Variants in TG observed in about 807,000 individuals in gnomAD.
The protein encoded by TG is thyroid hormones.
In TG, 270 loss-of-function variants were observed where a neutral mutation model predicts 324.7. The ratio of observed to expected loss-of-function variants is 0.83; its 90% confidence interval spans 0.75 to 0.92. The LOEUF is 0.92. Among genes scored for constraint, TG ranks in the 40% least tolerant of loss-of-function variants. The probability of loss-of-function intolerance (pLI) is 0.00; values close to 1 mark genes in which losing one functional copy is unlikely to be tolerated. For synonymous variants in TG, 1,401 were observed against 1,327.0 expected (o/e 1.06, Z -1.21); for missense variants, 3,591 against 3,456.4 (o/e 1.04, Z -0.98).
rs141849637 is a variant in TG at position 132,957,907 on chromosome 8, A to G, written c.5402-3101A>G. On this transcript the variant is annotated intron_variant, in intron 27 of 47. Transcript: ENST00000220616. ...CCATCATCTGAACAGTGTCCACTGC[A>G]CCCTATTTGTAGTCATTTATCCCTT... is the stretch of plus-strand genomic sequence containing the variant. 2.6e-5 allele frequency among the ~76,000 whole-genome samples: 4 copies of G among 152,158 alleles called. No homozygotes were observed. The East Asian group carries it at 7.7e-4, about 29-fold the overall frequency.
intron 3 of TG, among the ~76,000 whole-genome samples, chr8:132,870,135 CCTTCTCACCCGTGGTGTGAGGAGTTT>C (rs994823690): frequency 6.6e-6 from 1 of 151,980 alleles, no homozygotes; most frequent in Non-Finnish European, 1.5e-5. Flanking sequence ...AATATGAGTG[CCTTCTCACCCGTGGTGTGAGGAGTTT>C]CTAAAATTTA....
Position 132,967,205 on chromosome 8 carries a change from ACCAT to A in TG, c.5687-547_5687-544del, listed in dbSNP as rs370535189. ...TGTATCCATGTATCCATCCCATCCA[ACCAT>A]CCATCCATCCATCCATCCATCCATC... On this transcript the variant is annotated intron_variant, in intron 30 of 47. Transcript: ENST00000220616. Among the ~76,000 whole-genome samples, 754 of 101,238 alleles carry A rather than the reference ACCAT, an allele frequency of 7.4e-3. 3 individuals are homozygous for A. The highest frequency in any genetic ancestry group is 0.047 in the Middle Eastern group (6 of 128). The allele number at this position is 101,238 out of a possible 152,430, so 66.4% of individuals were successfully genotyped here.
intron 34 of TG, among the ~76,000 whole-genome samples, chr8:132,980,486 T>G (rs891088275): frequency 2.0e-5 from 3 of 152,076 alleles, no homozygotes; most frequent in Admixed American, 2.0e-4. Flanking sequence ...TATGCACCCC[T>G]TCCTTTTGGC....
chr8:133,113,494 G>A lies in TG; in HGVS notation c.7645G>A (p.Gly2549Ser), dbSNP rs1850435580. 1 of 1,614,060 alleles carries A rather than the reference G, an allele frequency of 6.2e-7. No individual in the cohort carries two copies. Among genetic ancestry groups the A allele is most frequent in the Non-Finnish European group, 8.5e-7 (1 of 1,180,016 alleles). Residue 2549 changes from glycine to serine, a missense_variant, in exon 44 of 48, where the codon GGC becomes AGC. By Grantham distance (56) the Gly-to-Ser change is moderately conservative. Coordinates refer to ENST00000220616, the MANE Select transcript of TG (RefSeq NM_003235.5). Reference protein sequence around the residue: ...FYQALQNSLGGEDSDARVEAA... With the variant: ...FYQALQNSLGSEDSDARVEAA... ...CCAGGCACTGCAGAATTCTCTGGGT[G>A]GCGAGGACTCAGATGCCCGCGTCGA...
At chr8:132,880,401 A>G (rs771182577) in intron 5 of TG, among the ~76,000 whole-genome samples, 1 of 152,252 alleles carries the variant, frequency 6.6e-6, no homozygotes, top group Non-Finnish European at 1.5e-5. Flanking sequence ...TTATACTATT[A>G]TGAGTATTTT....
intron 41 of TG, among the ~76,000 whole-genome samples, chr8:133,063,902 C>A (rs917570675): frequency 1.3e-5 from 2 of 152,188 alleles, no homozygotes; most frequent in Non-Finnish European, 2.9e-5. Flanking sequence ...AATGGCTGAA[C>A]AATTTGATTT....
At chr8:132,980,962 T>C (rs1830762897) in intron 34 of TG, among the ~76,000 whole-genome samples, 1 of 152,282 alleles carries the variant, frequency 6.6e-6, no homozygotes, top group South Asian at 2.1e-4. Context: ...GCTAGCCTAG[T>C]GCCAGCAGAA....
intron 45 of TG, among the ~76,000 whole-genome samples, chr8:133,131,140 C>T (rs75057105): frequency 0.03 from 4,497 of 152,360 alleles, 89 homozygotes; most frequent in Non-Finnish European, 0.048. Context: ...CTTTTCCACT[C>T]TACCACTCTC....
chr8:133,031,761 G>A (rs1476902152), intron 41 of TG, among the ~76,000 whole-genome samples: 1 of 152,130 alleles, frequency 6.6e-6, no homozygotes, highest in East Asian at 1.9e-4. Context: ...TCAGCCACAG[G>A]AGCCTTTCAT....
intron 8 of TG, among the ~76,000 whole-genome samples, chr8:132,884,193 G>A (rs930312782): frequency 2.6e-5 from 4 of 152,176 alleles, no homozygotes; most frequent in African/African-American, 9.6e-5. Flanking sequence ...TGCCAAATAA[G>A]GTCACATTCT....
intron 35 of TG, chr8:133,003,133 A>G: frequency 1.7e-6 from 1 of 589,748 alleles, no homozygotes; most frequent in Non-Finnish European, 2.2e-6. Flanking sequence ...GCAATTTTTA[A>G]CAGCTGAAAA....
intron 18 of TG, among the ~76,000 whole-genome samples, chr8:132,908,593 G>A (rs932766923): frequency 1.3e-5 from 2 of 152,062 alleles, no homozygotes; most frequent in Non-Finnish European, 2.9e-5. Context: ...CAAGTCTTTT[G>A]ATGTCAAGGC....
chr8:132,886,755 C>A lies in TG; in HGVS notation c.1383C>A (p.Thr461=). 1 of 1,614,178 alleles carries A rather than the reference C, an allele frequency of 6.2e-7. No individual in the cohort carries two copies. The highest frequency in any genetic ancestry group is 8.5e-7 in the Non-Finnish European group (1 of 1,180,046). ...RGLARLALQF[T]TNPKRLQQNL... The stretch of plus-strand genomic sequence containing the variant: ...TGGCTCGTCTTGCCCTTCAGTTTAC[C>A]ACCAACCCAAAGAGACTCCAGCAAA... The change falls in exon 9 of 48, where the codon ACC becomes ACA. Residue 461 remains threonine (T), a synonymous_variant. Transcript: ENST00000220616.
intron 41 of TG, among the ~76,000 whole-genome samples, chr8:133,080,568 C>G (rs967810784): frequency 6.6e-6 from 1 of 152,182 alleles, no homozygotes; most frequent in Admixed American, 6.5e-5. Context: ...CCTCCTCAAG[C>G]AGCTGCCCCA....
intron 27 of TG, among the ~76,000 whole-genome samples, chr8:132,958,965 G>A (rs1564004457): frequency 6.6e-6 from 1 of 152,182 alleles, no homozygotes; most frequent in Non-Finnish European, 1.5e-5. Context: ...TCTCTCAGAT[G>A]CCATAGGTGT....
intron 41 of TG, among the ~76,000 whole-genome samples, chr8:133,033,523 T>C (rs1836821990): frequency 6.6e-6 from 1 of 152,216 alleles, no homozygotes. Flanking sequence ...CAGGGTGAAC[T>C]CCTGACCTCA....
chr8:133,056,585 AGCTGTATGGCCTAAG>A (rs1841480043), intron 41 of TG, among the ~76,000 whole-genome samples: 1 of 152,156 alleles, frequency 6.6e-6, no homozygotes, highest in Non-Finnish European at 1.5e-5. Flanking sequence ...GTCTCCTCTG[AGCTGTATGGCCTAAG>A]GCAAGTCATT....
chr8:132,923,217 C>T lies in TG; in HGVS notation c.4529-121C>T. 2 of 1,138,982 alleles carry T rather than the reference C, an allele frequency of 1.8e-6. 1 individual carries two copies. Among genetic ancestry groups the T allele is most frequent in the South Asian group, 2.6e-5 (2 of 76,574 alleles). The allele number at this position is 1,138,982 out of a possible 1,614,324, so 70.6% of individuals were successfully genotyped here. On this transcript the variant is annotated intron_variant, in intron 21 of 47. Coordinates refer to ENST00000220616, the MANE Select transcript of TG (RefSeq NM_003235.5). ...AGTGGGAACACTGAAGAGTTTTAAGCTGGAATGTCTGAGTTAGATGTGTGA... is the reference window on the plus strand; with the variant it reads ...AGTGGGAACACTGAAGAGTTTTAAGTTGGAATGTCTGAGTTAGATGTGTGA...
intron 41 of TG, among the ~76,000 whole-genome samples, chr8:133,078,711 T>G (rs1845278063): frequency 6.6e-6 from 1 of 152,222 alleles, no homozygotes; most frequent in Non-Finnish European, 1.5e-5. Context: ...TTTTCTCTGT[T>G]TTCCAGGCCC....
Sources: gnomAD v4.1 joint callset for allele counts (sites outside exome capture counted in the v4.1 genomes callset) on GRCh38, gnomAD v4.1.1 for gene constraint, MANE v1.5 for transcripts, NCBI Gene and HGNC (gene_info 2026-07-23, HGNC 2026-07-21) for gene names.